The following ZMYM4 variants were observed in gnomAD, a reference collection of about 807,000 sequenced individuals.
The protein encoded by ZMYM4 is zinc finger MYM-type protein 4.
A neutral mutation model predicts 183.2 loss-of-function variants in ZMYM4; 31 were observed. The observed-to-expected ratio is 0.17, with a 90% CI of 0.13 to 0.23. The LOEUF (loss-of-function observed/expected upper bound fraction) is 0.23. Among genes scored for constraint, ZMYM4 ranks in the 10% least tolerant of loss-of-function variants. ZMYM4 has a pLI of 1.00. For missense variants in ZMYM4, 1,273 were observed against 1,840.3 expected, an observed-to-expected ratio of 0.69 and a Z score of 5.64; for synonymous variants, 592 against 631.2, an observed-to-expected ratio of 0.94 and a Z score of 0.93.
At chr1:35,292,507 GT>G (rs970088665) in intron 1 of ZMYM4, 3 of 151,824 alleles carry the variant, frequency 2.0e-5, no homozygotes, top group Non-Finnish European at 2.9e-5. Context: ...GCGGTTAGTT[GT>G]TTTTTTTGAG....
intron 1 of ZMYM4, among the ~76,000 whole-genome samples, chr1:35,316,456 T>G (rs567458677): frequency 1.3e-5 from 2 of 152,348 alleles, no homozygotes; most frequent in East Asian, 3.9e-4. Context: ...AAGTATAAAC[T>G]TCAGTGCTAG....
At chr1:35,365,845 T>C (rs553605642) in intron 5 of ZMYM4, 9 of 152,340 alleles carry the variant, frequency 5.9e-5, no homozygotes, top group African/African-American at 2.2e-4. Context: ...CTTGTAAAAT[T>C]AGTGATCATG....
chr1:35,296,577 G>A (rs1181945479), intron 1 of ZMYM4, among the ~76,000 whole-genome samples: 1 of 152,078 alleles, frequency 6.6e-6, no homozygotes, highest in Non-Finnish European at 1.5e-5. Flanking sequence ...GCTGAGATTT[G>A]ACCCTAGTTA....
intron 1 of ZMYM4, among the ~76,000 whole-genome samples, chr1:35,291,128 T>G (rs988039470): frequency 1.3e-5 from 2 of 152,206 alleles, no homozygotes; most frequent in African/African-American, 4.8e-5. Flanking sequence ...ATAAACATGT[T>G]TTCATTTTTC....
intron 2 of ZMYM4, among the ~76,000 whole-genome samples, chr1:35,332,168 G>A (rs1017280624): frequency 1.3e-4 from 20 of 151,970 alleles, no homozygotes; most frequent in Admixed American, 6.6e-4. Context: ...TAGTTGTTTT[G>A]TGAATTTTAT....
At chr1:35,373,544 A>ATTTTTTTTTT (rs202022428) in intron 7 of ZMYM4, among the ~76,000 whole-genome samples, 20 of 122,814 alleles carry the variant, frequency 1.6e-4, no homozygotes, top group East Asian at 9.8e-4. Context: ...TGCACAGCTA[A>ATTTTTTTTTT]TTTTTTTTTT....
At chr1:35,304,557 A>G (rs1641440854) in intron 1 of ZMYM4, among the ~76,000 whole-genome samples, 1 of 150,902 alleles carries the variant, frequency 6.6e-6, no homozygotes, top group Admixed American at 6.6e-5. Context: ...TCCTGGGCTC[A>G]AATCATCCTC....
intron 1 of ZMYM4, among the ~76,000 whole-genome samples, chr1:35,316,938 A>G (rs985614208): frequency 2.0e-5 from 3 of 151,438 alleles, no homozygotes; most frequent in Non-Finnish European, 4.4e-5. Flanking sequence ...CCTGGCCAAC[A>G]TGGTGAAACC....
At chr1:35,414,129 A>T in intron 27 of ZMYM4, 46 bp downstream of exon 27, 6 of 1,169,354 alleles carry the variant, frequency 5.1e-6, no homozygotes, top group Non-Finnish European at 7.4e-6. Flanking sequence ...GCTTTCTTAA[A>T]TTGCTTAACT....
chr1:35,359,432 T>G lies in ZMYM4; in HGVS notation c.593T>G (p.Phe198Cys). The G allele has an allele frequency of 6.4e-7, 1 of 1,561,484 alleles. No individual in the cohort carries two copies. Among genetic ancestry groups the G allele is most frequent in the Non-Finnish European group, 8.6e-7 (1 of 1,162,116 alleles). The change falls in exon 3 of 30, where the codon TTT (phenylalanine) becomes TGT (cysteine). Residue 198 changes from phenylalanine to cysteine, a missense_variant. Transcript: ENST00000314607. ...TTGGATTCAAGGTTGAAAAGCAGTT[T>G]TTTTGATAAAGCAGGTAATAATTGT... is the stretch of plus-strand genomic sequence containing the variant. Reference protein sequence around the residue: ...KDLDSRLKSSFFDKAANQVEE... With the variant: ...KDLDSRLKSSCFDKAANQVEE...
intron 28 of ZMYM4, 41 bp downstream of exon 28, chr1:35,415,755 G>T (rs757190215): frequency 6.3e-7 from 1 of 1,596,946 alleles, no homozygotes; most frequent in Admixed American, 1.7e-5. Context: ...TGAAGTCTTA[G>T]TAGTAGTACT....
chr1:35,272,233 C>T lies in ZMYM4; in HGVS notation c.39+3148C>T, dbSNP rs142788912. ...CATAGACTTAGATAGTAACTTTAGG[C>T]TATTCAATCTGAAATTGCATTGATG... is the stretch of plus-strand genomic sequence containing the variant. On this transcript the variant is annotated intron_variant, in intron 1 of 29. Coordinates refer to ENST00000314607, the MANE Select transcript of ZMYM4 (RefSeq NM_005095.3). Among the ~76,000 whole-genome samples the T allele has an allele frequency of 1.6e-4, 24 of 152,254 alleles. 1 individual carries two copies. In the East Asian group the frequency reaches 4.2e-3, roughly 27 times the overall value.
intron 2 of ZMYM4, among the ~76,000 whole-genome samples, chr1:35,332,406 T>G (rs1442417915): frequency 2.0e-5 from 3 of 150,938 alleles, no homozygotes; most frequent in Non-Finnish European, 4.4e-5. Flanking sequence ...TGGGGATGTT[T>G]TTTTTTTTTT....
rs187482528 is a variant in ZMYM4 at position 35,340,740 on chromosome 1, A to G, written c.85+15335A>G. On this transcript the variant is annotated intron_variant, in intron 2 of 29. Transcript: ENST00000314607. The stretch of plus-strand genomic sequence containing the variant: ...CAAGCAATGGGGAGTGGCTGTAAAT[A>G]CAGATGAAGCTTTGCTTGCTTGTGG... 1.1e-4 allele frequency among the ~76,000 whole-genome samples: 16 copies of G among 152,304 alleles called. No individual in the cohort carries two copies. In the East Asian group the frequency reaches 2.1e-3, roughly 20 times the overall value.
intron 1 of ZMYM4, among the ~76,000 whole-genome samples, chr1:35,302,995 C>T (rs569383904): frequency 1.1e-3 from 160 of 150,784 alleles, no homozygotes; most frequent in Non-Finnish European, 1.8e-3. Flanking sequence ...AAAAAATTAT[C>T]CAGGGCATAG....
intron 1 of ZMYM4, among the ~76,000 whole-genome samples, chr1:35,269,698 G>A (rs1639500679): frequency 6.6e-6 from 1 of 152,162 alleles, no homozygotes; most frequent in African/African-American, 2.4e-5. Context: ...CTCGCAATTA[G>A]GGACTTGGAA....
At chr1:35,385,688 C>T (rs1644560455) in intron 10 of ZMYM4, 96 bp downstream of exon 10, 2 of 1,344,008 alleles carry the variant, frequency 1.5e-6, no homozygotes, top group Non-Finnish European at 2.0e-6. Flanking sequence ...TTTTAAGGCA[C>T]ATTTAACATA....
intron 2 of ZMYM4, among the ~76,000 whole-genome samples, chr1:35,344,332 G>T (rs1037329294): frequency 1.3e-5 from 2 of 152,138 alleles, no homozygotes; most frequent in Non-Finnish European, 2.9e-5. Flanking sequence ...GGGATTACAG[G>T]TGTAAGCCCC....
intron 1 of ZMYM4, among the ~76,000 whole-genome samples, chr1:35,303,537 C>T (rs1362110046): frequency 6.6e-6 from 1 of 152,120 alleles, no homozygotes; most frequent in Non-Finnish European, 1.5e-5. Context: ...TCCCAAGTGG[C>T]TGCGACTATA....
Sources: allele counts gnomAD v4.1 joint callset (sites outside exome capture counted in the v4.1 genomes callset), GRCh38; gene constraint gnomAD v4.1.1; transcripts MANE v1.5; gene names NCBI Gene and HGNC (gene_info 2026-07-23, HGNC 2026-07-21).